Variants in KCNJ3 observed in about 807,000 individuals in gnomAD.
KCNJ3 encodes potassium inwardly rectifying channel subfamily J member 3.
Under a neutral mutation model 39.2 loss-of-function variants are expected in KCNJ3, and 4 were observed. The observed-to-expected ratio is 0.10, with a 90% CI of 0.05 to 0.23. The LOEUF (loss-of-function observed/expected upper bound fraction) is 0.23, where lower values mean the gene tolerates loss of function less well. Among genes scored for constraint, KCNJ3 ranks in the 10% least tolerant of loss-of-function variants. The pLI, the probability that KCNJ3 is intolerant of heterozygous loss-of-function variation, is 1.00. For synonymous variants in KCNJ3, 230 were observed against 237.4 expected (o/e 0.97, Z 0.29); for missense variants, 276 against 634.9 (o/e 0.43, Z 6.08).
At chr2:154,748,191 C>T (rs1390698097) in intron 2 of KCNJ3, among the ~76,000 whole-genome samples, 1 of 151,918 alleles carries the variant, frequency 6.6e-6, no homozygotes, top group Non-Finnish European at 1.5e-5. Flanking sequence ...GAATGCCATT[C>T]ATGGAACAAA....
At chr2:154,725,994 A>G (rs1189370560) in intron 2 of KCNJ3, among the ~76,000 whole-genome samples, 1 of 152,196 alleles carries the variant, frequency 6.6e-6, no homozygotes, top group African/African-American at 2.4e-5. Flanking sequence ...TAAGACCTGA[A>G]ACCATAAAAA....
At chr2:154,740,820 A>G (rs1685640452) in intron 2 of KCNJ3, among the ~76,000 whole-genome samples, 1 of 152,056 alleles carries the variant, frequency 6.6e-6, no homozygotes, top group African/African-American at 2.4e-5. Flanking sequence ...GGATTGTCAG[A>G]ATCTACCAGT....
intron 2 of KCNJ3, among the ~76,000 whole-genome samples, chr2:154,813,852 T>C (rs142849701): frequency 1.3e-5 from 2 of 152,336 alleles, no homozygotes; most frequent in African/African-American, 4.8e-5. Flanking sequence ...CTTCCTCACA[T>C]AGAACAATGC....
intron 2 of KCNJ3, among the ~76,000 whole-genome samples, chr2:154,832,624 T>C (rs1365272837): frequency 6.6e-6 from 1 of 152,152 alleles, no homozygotes; most frequent in African/African-American, 2.4e-5. Flanking sequence ...AAGAAGCAGT[T>C]ATAAAAGAGT....
chr2:154,855,330 G>A lies in KCNJ3; in HGVS notation c.*17G>A, dbSNP rs1467284677. ...TTCACATAACAAAGCACTCCCTTAGGCATTATTTAATGTTTGATTTAGTAA... is the reference window on the plus strand; with the variant it reads ...TTCACATAACAAAGCACTCCCTTAGACATTATTTAATGTTTGATTTAGTAA... On this transcript the variant is annotated 3_prime_UTR_variant, in exon 3 of 3. Transcript: ENST00000295101. 6.6e-7 allele frequency: 1 copy of A among 1,503,938 alleles called. No individual in the cohort carries two copies. Among genetic ancestry groups the A allele is most frequent in the South Asian group, 1.2e-5 (1 of 82,718 alleles). 93.2% of individuals were successfully genotyped at this position (1,503,938 alleles called of 1,614,324 possible).
rs548140380 is a variant in KCNJ3 at position 154,799,130 on chromosome 2, T to C, written c.920-55597T>C. The stretch of plus-strand genomic sequence containing the variant: ...AAAAGAAAAGAAACAGTAAGTTTTT[T>C]GTTTGTTTGTTTTTTGTTTTTAACA... On this transcript the variant is annotated intron_variant, in intron 2 of 2. Coordinates refer to ENST00000295101, the MANE Select transcript of KCNJ3 (RefSeq NM_002239.4). Among the ~76,000 whole-genome samples the C allele has an allele frequency of 7.6e-4, 116 of 152,130 alleles. 2 individuals carry two copies. The highest frequency in any genetic ancestry group is 1.5e-3 in the Non-Finnish European group (104 of 68,012).
intron 2 of KCNJ3, among the ~76,000 whole-genome samples, chr2:154,748,077 A>G (rs1414113921): frequency 6.6e-6 from 1 of 152,028 alleles, no homozygotes; most frequent in Non-Finnish European, 1.5e-5. Context: ...ATAATGCATG[A>G]CTAGTTTAAA....
At chr2:154,782,540 A>ACACAC (rs1553458769) in intron 2 of KCNJ3, among the ~76,000 whole-genome samples, 3,988 of 72,446 alleles carry the variant, frequency 0.055, 80 homozygotes, top group Non-Finnish European at 0.073. Context: ...ACACACACAC[A>ACACAC]TACACGCAGG....
chr2:154,836,414 A>G (rs1687464281), intron 2 of KCNJ3, among the ~76,000 whole-genome samples: 1 of 151,604 alleles, frequency 6.6e-6, no homozygotes, highest in South Asian at 2.1e-4. Context: ...TTGACTTCTT[A>G]AAAGTGATTT....
intron 2 of KCNJ3, among the ~76,000 whole-genome samples, chr2:154,777,364 G>A (rs945934462): frequency 6.6e-6 from 1 of 152,134 alleles, no homozygotes; most frequent in Non-Finnish European, 1.5e-5. Context: ...CCCATCCTTA[G>A]TGAAAACCAT....
intron 2 of KCNJ3, among the ~76,000 whole-genome samples, chr2:154,788,302 AT>A (rs1477598823): frequency 2.0e-5 from 3 of 152,182 alleles, no homozygotes; most frequent in South Asian, 2.1e-4. Flanking sequence ...CTAGAAAAAA[AT>A]ATTGCAAATT....
At chr2:154,705,037 T>G (rs1684978307) in intron 1 of KCNJ3, among the ~76,000 whole-genome samples, 1 of 152,152 alleles carries the variant, frequency 6.6e-6, no homozygotes, top group Admixed American at 6.5e-5. Flanking sequence ...CAAGGACTTG[T>G]GAAAGGTGGT....
At chr2:154,705,575 T>C (rs1684994054) in intron 1 of KCNJ3, among the ~76,000 whole-genome samples, 1 of 152,122 alleles carries the variant, frequency 6.6e-6, no homozygotes, top group Non-Finnish European at 1.5e-5. Flanking sequence ...GAAATTAGTA[T>C]AAATGACTAT....
intron 2 of KCNJ3, among the ~76,000 whole-genome samples, chr2:154,841,318 G>A (rs2105129806): frequency 6.6e-6 from 1 of 152,264 alleles, no homozygotes; most frequent in East Asian, 1.9e-4. Flanking sequence ...TTGATGTGCT[G>A]CTGGATTCAG....
chr2:154,799,763 C>T (rs1686779823), intron 2 of KCNJ3, among the ~76,000 whole-genome samples: 2 of 152,120 alleles, frequency 1.3e-5, no homozygotes, highest in African/African-American at 4.8e-5. Context: ...GGTAATTCAC[C>T]CCTTAATAAA....
intron 2 of KCNJ3, among the ~76,000 whole-genome samples, chr2:154,772,262 A>G (rs1042644673): frequency 6.6e-5 from 10 of 152,222 alleles, no homozygotes; most frequent in Non-Finnish European, 1.5e-5. Flanking sequence ...TTTGTATTTT[A>G]CATAGTGAAT....
chr2:154,707,612 C>A (rs1685036042), intron 1 of KCNJ3, among the ~76,000 whole-genome samples: 1 of 152,068 alleles, frequency 6.6e-6, no homozygotes, highest in South Asian at 2.1e-4. Context: ...GAAAATATAT[C>A]TTCTTTGGGG....
chr2:154,730,472 A>T (rs1009328695), intron 2 of KCNJ3, among the ~76,000 whole-genome samples: 2 of 152,196 alleles, frequency 1.3e-5, no homozygotes, highest in African/African-American at 2.4e-5. Context: ...TAAAAGTCCA[A>T]ATAATCCAAT....
At chr2:154,854,482 T>C (rs1401111848) in intron 2 of KCNJ3, among the ~76,000 whole-genome samples, 3 of 152,194 alleles carry the variant, frequency 2.0e-5, no homozygotes, top group Non-Finnish European at 4.4e-5. Context: ...TGGTTAATAT[T>C]TAGGTAATGA....
Sources: allele counts gnomAD v4.1 joint callset (sites outside exome capture counted in the v4.1 genomes callset), GRCh38; gene constraint gnomAD v4.1.1; transcripts MANE v1.5; gene names NCBI Gene and HGNC (gene_info 2026-07-23, HGNC 2026-07-21).